VSNL1: variants seen among roughly 807,000 people sequenced by gnomAD.
VSNL1 encodes the protein visinin-like protein 1.
In VSNL1, 6 loss-of-function variants were observed where a neutral mutation model predicts 20.4. That is an observed-to-expected ratio of 0.29 (90% CI 0.16 to 0.58). The LOEUF is 0.58. Ranked by LOEUF, VSNL1 falls within the 20% of genes least tolerant of loss-of-function variation. The pLI is 0.90. For missense variants in VSNL1, 100 were observed against 234.5 expected (o/e 0.43, Z 3.75); for synonymous variants, 93 against 86.4 (o/e 1.08, Z -0.42).
intron 1 of VSNL1, among the ~76,000 whole-genome samples, chr2:17,553,937 T>C (rs762779839): frequency 1.3e-5 from 2 of 152,208 alleles, no homozygotes; most frequent in Non-Finnish European, 2.9e-5. Flanking sequence ...AATTGAGAAG[T>C]TAAATAAATT....
At chr2:17,611,486 T>A (rs2103393594) in intron 2 of VSNL1, among the ~76,000 whole-genome samples, 1 of 152,324 alleles carries the variant, frequency 6.6e-6, no homozygotes. Context: ...TGAAGGATGA[T>A]CATGCCACAT....
intron 3 of VSNL1, among the ~76,000 whole-genome samples, chr2:17,654,826 C>T (rs1304679812): frequency 1.3e-5 from 2 of 152,208 alleles, no homozygotes; most frequent in African/African-American, 4.8e-5. Context: ...TCCTACTGCC[C>T]CTTGCCCCAC....
intron 1 of VSNL1, among the ~76,000 whole-genome samples, chr2:17,548,138 A>C (rs1363686647): frequency 4.6e-5 from 7 of 152,094 alleles, no homozygotes; most frequent in Non-Finnish European, 8.8e-5. Context: ...TTTTACAATA[A>C]AGAAAAGATA....
intron 2 of VSNL1, among the ~76,000 whole-genome samples, chr2:17,595,041 C>A (rs867911825): frequency 6.6e-6 from 1 of 152,190 alleles, no homozygotes; most frequent in Non-Finnish European, 1.5e-5. Context: ...CAGGGCAGCT[C>A]CTCATTAACA....
rs556195481 is a variant in VSNL1 at position 17,634,964 on chromosome 2, A to G, written c.163-14446A>G. 2.6e-4 allele frequency among the ~76,000 whole-genome samples: 40 copies of G among 152,262 alleles called. No individual in the cohort carries two copies. In the South Asian group the frequency reaches 6.4e-3, roughly 24 times the overall value. On this transcript the variant is annotated intron_variant, in intron 2 of 3. Coordinates refer to ENST00000295156, the MANE Select transcript of VSNL1 (RefSeq NM_003385.5). The surrounding 1 kb of genome is among the most constrained non-coding windows in gnomAD (Gnocchi z 4.3). ...CGTTTGAACACACATACACACGTAC[A>G]CACACATACATGTGCACATACATAC...
At chr2:17,653,034 A>G (rs1666154532) in intron 3 of VSNL1, among the ~76,000 whole-genome samples, 1 of 152,124 alleles carries the variant, frequency 6.6e-6, no homozygotes, top group Non-Finnish European at 1.5e-5. Flanking sequence ...GAAAACAGCT[A>G]TTTCTTTTAT....
chr2:17,548,297 C>A (rs530026818), intron 1 of VSNL1, among the ~76,000 whole-genome samples: 2 of 151,822 alleles, frequency 1.3e-5, no homozygotes, highest in African/African-American at 2.4e-5. Flanking sequence ...GGTTTTCCCC[C>A]CTTCTTCCTC....
Position 17,592,135 on chromosome 2 carries a change from G to C in VSNL1, c.61G>C (p.Glu21Gln). 6.2e-7 allele frequency: 1 copy of C among 1,613,916 alleles called. No individual in the cohort carries two copies. The highest frequency in any genetic ancestry group is 8.5e-7 in the Non-Finnish European group (1 of 1,179,838). ...GATGGAGGACCTGGTGAAGAGCACA[G>C]AGTTTAATGAGCATGAACTCAAGCA... is the stretch of plus-strand genomic sequence containing the variant. ...EVMEDLVKST[E>Q]FNEHELKQWY... is the part of the protein sequence containing the mutation. Residue 21 changes from glutamate to glutamine, a missense_variant, in exon 2 of 4, where the codon GAG becomes CAG. Physicochemically the swap from Glu to Gln is conservative, Grantham distance 29. Transcript: ENST00000295156.
At chr2:17,580,907 G>C (rs1664335762) in intron 1 of VSNL1, among the ~76,000 whole-genome samples, 1 of 152,170 alleles carries the variant, frequency 6.6e-6, no homozygotes, top group Admixed American at 6.5e-5. Context: ...AAAGAGTTCA[G>C]AAAGATATTA....
rs376083707 is a variant in VSNL1 at position 17,603,228 on chromosome 2, A to G, written c.162+10992A>G. ...ACCATAAACCAAGTAGTGATAAACA[A>G]CAGAAATACACTTCTCACAGTTCTT... On this transcript the variant is annotated intron_variant, in intron 2 of 3. Coordinates refer to ENST00000295156, the MANE Select transcript of VSNL1 (RefSeq NM_003385.5). 2.0e-5 allele frequency among the ~76,000 whole-genome samples: 3 copies of G among 152,338 alleles called. No homozygotes were observed. In the South Asian group the frequency reaches 6.2e-4, roughly 32 times the overall value.
At chr2:17,597,833 A>G (rs1664743205) in intron 2 of VSNL1, among the ~76,000 whole-genome samples, 1 of 152,198 alleles carries the variant, frequency 6.6e-6, no homozygotes, top group Non-Finnish European at 1.5e-5. Flanking sequence ...GCCTGGAGGA[A>G]TTGGTGTATC....
At chr2:17,626,934 T>G (rs954359878) in intron 2 of VSNL1, among the ~76,000 whole-genome samples, 23 of 152,236 alleles carry the variant, frequency 1.5e-4, no homozygotes, top group African/African-American at 5.3e-4. Context: ...GCAGCTTGTC[T>G]GCTGCACAGA....
At chr2:17,639,524 ATT>A (rs1665834965) in intron 2 of VSNL1, among the ~76,000 whole-genome samples, 1 of 152,098 alleles carries the variant, frequency 6.6e-6, no homozygotes. Flanking sequence ...CACTCAATAT[ATT>A]GTTTTCTATA....
intron 1 of VSNL1, among the ~76,000 whole-genome samples, chr2:17,575,021 G>T (rs543783250): frequency 2.0e-5 from 3 of 152,006 alleles, no homozygotes; most frequent in South Asian, 4.2e-4. Flanking sequence ...TAGAGACAGG[G>T]TTTCACCATG....
At position 17,571,357 on chromosome 2, in the gene VSNL1, G is replaced by A. The variant is rs1381087308; in HGVS notation, c.-5-20713G>A. Among the ~76,000 whole-genome samples, 4 of 152,038 alleles carry A rather than the reference G, an allele frequency of 2.6e-5. No homozygotes were observed. The East Asian group carries it at 7.7e-4, about 29-fold the overall frequency. On this transcript the variant is annotated intron_variant, in intron 1 of 3. Transcript: ENST00000295156. ...GGTTGTTTTTTCAGTTCTTCCTTGA[G>A]GTTGCTAATAATTAAGAACCCTACC... is the stretch of plus-strand genomic sequence containing the variant.
chr2:17,545,374 T>C (rs1447775917), intron 1 of VSNL1, among the ~76,000 whole-genome samples: 2 of 152,166 alleles, frequency 1.3e-5, no homozygotes, highest in Non-Finnish European at 2.9e-5. Context: ...TTAATACCTC[T>C]AAGAGTGCTT....
intron 2 of VSNL1, among the ~76,000 whole-genome samples, chr2:17,638,285 G>A (rs1354902214): frequency 6.6e-6 from 1 of 152,222 alleles, no homozygotes; most frequent in Non-Finnish European, 1.5e-5. Flanking sequence ...TCATAGGATT[G>A]TTGGCGGATT....
intron 1 of VSNL1, among the ~76,000 whole-genome samples, chr2:17,568,295 TCTTA>T (rs1313543813): frequency 1.3e-5 from 2 of 152,140 alleles, no homozygotes; most frequent in Non-Finnish European, 2.9e-5. Flanking sequence ...TTTGACAGGG[TCTTA>T]CTTTGTTGCC....
At chr2:17,579,273 G>A (rs964470983) in intron 1 of VSNL1, among the ~76,000 whole-genome samples, 3 of 152,084 alleles carry the variant, frequency 2.0e-5, no homozygotes, top group South Asian at 2.1e-4. Context: ...CCGCCACCAC[G>A]CCCGGCTAAT....
Sources: allele counts gnomAD v4.1 joint callset (sites outside exome capture counted in the v4.1 genomes callset), GRCh38; gene constraint gnomAD v4.1.1; non-coding constraint Gnocchi (gnomAD v3.1); transcripts MANE v1.5; gene names NCBI Gene and HGNC (gene_info 2026-07-23, HGNC 2026-07-21).